Variants in PDE1C observed in about 807,000 individuals in gnomAD.
PDE1C encodes phosphodiesterase 1C.
PDE1C carries 62 observed loss-of-function variants against 93.1 expected under a neutral mutation model. The observed-to-expected ratio is 0.67, with a 90% CI of 0.54 to 0.82. PDE1C has a LOEUF of 0.82. Ranked by LOEUF, PDE1C falls within the 40% of genes least tolerant of loss-of-function variation. The pLI is 0.00. For missense variants in PDE1C, 742 were observed against 884.6 expected (o/e 0.84, Z 2.04); for synonymous variants, 325 against 310.1 (o/e 1.05, Z -0.50).
rs961427802 is a variant in PDE1C, at chr7:31,928,756, G to A, written c.129-47896C>T. 9.9e-5 allele frequency among the ~76,000 whole-genome samples: 15 copies of A among 152,108 alleles called. No individual in the cohort carries two copies. The South Asian group carries it at 2.1e-3, about 21-fold the overall frequency. On this transcript the variant is annotated intron_variant, in intron 2 of 17. Coordinates refer to ENST00000396191, the MANE Select transcript of PDE1C (RefSeq NM_001191057.4). ...ATGCTAAGGGATTTTATCACCACCA[G>A]CCTGCCTCACAAGAGCTCCTGAAGG...
At position 31,898,252 on chromosome 7, in the gene PDE1C, A is replaced by G. The variant is rs1317105589; in HGVS notation, c.129-17392T>C. Among the ~76,000 whole-genome samples, 3 of 152,258 alleles carry G rather than the reference A, an allele frequency of 2.0e-5. No individual in the cohort carries two copies. The East Asian group carries it at 5.8e-4, about 29-fold the overall frequency. ...TAAAAGAATCTATGGTTATTGTGGGAAATTTATAAAATACCTATTAGAAAA... is the reference window on the plus strand; with the variant it reads ...TAAAAGAATCTATGGTTATTGTGGGGAATTTATAAAATACCTATTAGAAAA... On this transcript the variant is annotated intron_variant, in intron 2 of 17. Transcript: ENST00000396191.
chr7:32,179,310 A>C (rs1803226728), intron 2 of PDE1C, among the ~76,000 whole-genome samples: 1 of 140,310 alleles, frequency 7.1e-6, no homozygotes, highest in Admixed American at 7.8e-5. Flanking sequence ...CCCAGGCCGG[A>C]GTGCAGTGGC....
chr7:32,101,486 G>A (rs1265408431), intron 3 of PDE1C, among the ~76,000 whole-genome samples: 1 of 152,134 alleles, frequency 6.6e-6, no homozygotes, highest in Non-Finnish European at 1.5e-5. Context: ...CCTCATGTAT[G>A]ACTTGGTGCT....
chr7:32,106,023 C>A (rs77363802), intron 3 of PDE1C, among the ~76,000 whole-genome samples: 3,809 of 151,962 alleles, frequency 0.025, 58 homozygotes, highest in Non-Finnish European at 0.039. Context: ...TAGTTTTATT[C>A]TTTTTAGAGA....
upstream of PDE1C, chr7:32,070,524 C>T: frequency 6.7e-7 from 1 of 1,498,646 alleles, no homozygotes; most frequent in African/African-American, 1.4e-5. Context: ...CGGCGCGCTC[C>T]CCCTTCTGCG....
At chr7:31,874,092 C>T (rs1796258820) in intron 5 of PDE1C, among the ~76,000 whole-genome samples, 1 of 152,130 alleles carries the variant, frequency 6.6e-6, no homozygotes, top group Admixed American at 6.5e-5. Context: ...CAGAAAAATG[C>T]TACCATTTCT....
rs547089335 is a variant in PDE1C at position 32,370,210 on chromosome 7, G to T, written c.310+57612C>A. ...CACGCCTGTAATCCCAGCACTTTGG[G>T]AGGCCGAGGAGGGCGGATCACGAGG... On this transcript the variant is annotated intron_variant, in intron 1 of 1. Coordinates refer to the PDE1C transcript ENST00000672256. Among the ~76,000 whole-genome samples, 14 of 152,256 alleles carry T rather than the reference G, an allele frequency of 9.2e-5. No individual in the cohort carries two copies. In the South Asian group the frequency reaches 1.2e-3, roughly 14 times the overall value.
intron 1 of PDE1C, among the ~76,000 whole-genome samples, chr7:32,317,979 T>C (rs1783209775): frequency 6.6e-6 from 1 of 152,144 alleles, no homozygotes; most frequent in Admixed American, 6.5e-5. Flanking sequence ...TGCCTTACCA[T>C]AAAGAGACAG....
intron 1 of PDE1C, among the ~76,000 whole-genome samples, chr7:32,310,305 G>A (rs1782988162): frequency 6.6e-6 from 1 of 152,012 alleles, no homozygotes; most frequent in Admixed American, 6.6e-5. Flanking sequence ...AATAATGGGA[G>A]ACTTTAACAC....
intron 1 of PDE1C, among the ~76,000 whole-genome samples, chr7:32,404,327 A>G (rs991890783): frequency 5.9e-5 from 9 of 152,174 alleles, no homozygotes; most frequent in Non-Finnish European, 1.3e-4. Flanking sequence ...TTTAATTTCT[A>G]CTACTTTTCT....
intron 3 of PDE1C, among the ~76,000 whole-genome samples, chr7:32,091,370 G>A (rs190264833): frequency 3.3e-5 from 5 of 152,258 alleles, no homozygotes; most frequent in East Asian, 3.9e-4. Context: ...CTACATTGGC[G>A]ACCAGAGCTG....
chr7:31,686,399 T>C, the PDE1C span, among the ~76,000 whole-genome samples: 2 of 152,216 alleles, frequency 1.3e-5, no homozygotes, highest in Non-Finnish European at 2.9e-5. Flanking sequence ...CTTGAGTGCC[T>C]ACGTATTCCT....
chr7:31,645,123 T>C, the PDE1C span, among the ~76,000 whole-genome samples: 1 of 152,212 alleles, frequency 6.6e-6, no homozygotes, highest in East Asian at 1.9e-4. Context: ...AAGTGGGAAG[T>C]CCAAATTCAG....
At chr7:31,797,068 T>TAA (rs893386649) in intron 16 of PDE1C, among the ~76,000 whole-genome samples, 6 of 151,736 alleles carry the variant, frequency 4.0e-5, no homozygotes, top group African/African-American at 1.4e-4. Flanking sequence ...AAACACCTGC[T>TAA]AAACCATGGC....
chr7:32,405,594 G>A (rs550548728), intron 1 of PDE1C, among the ~76,000 whole-genome samples: 5 of 152,072 alleles, frequency 3.3e-5, no homozygotes, highest in South Asian at 2.1e-4. Flanking sequence ...TTCTTTTAGC[G>A]TGCTCCTACA....
At chr7:31,973,399 A>G (rs1400216353) in intron 2 of PDE1C, among the ~76,000 whole-genome samples, 1 of 152,208 alleles carries the variant, frequency 6.6e-6, no homozygotes. Flanking sequence ...AGCCACACTA[A>G]AACACATCAT....
the PDE1C span, among the ~76,000 whole-genome samples, chr7:31,619,548 ATT>A: frequency 1.8e-3 from 3 of 1,658 alleles, no homozygotes; most frequent in Non-Finnish European, 0.013. Flanking sequence ...AATTTACCTC[ATT>A]CATCTATGCT....
intron 1 of PDE1C, among the ~76,000 whole-genome samples, chr7:32,062,237 T>C (rs1161035320): frequency 6.6e-6 from 1 of 152,294 alleles, no homozygotes; most frequent in Admixed American, 6.5e-5. Context: ...TTAATTCCAC[T>C]TTCTTCCTCA....
chr7:31,662,206 T>C, the PDE1C span, among the ~76,000 whole-genome samples: 1 of 152,180 alleles, frequency 6.6e-6, no homozygotes, highest in African/African-American at 2.4e-5. Flanking sequence ...GGTACTAATT[T>C]TGAGTAAGGA....
Sources: allele counts gnomAD v4.1 joint callset (sites outside exome capture counted in the v4.1 genomes callset), GRCh38; gene constraint gnomAD v4.1.1; transcripts MANE v1.5; gene names NCBI Gene and HGNC (gene_info 2026-07-23, HGNC 2026-07-21).